FZD3: variants seen among roughly 807,000 people sequenced by gnomAD.
FZD3 encodes the protein frizzled-3.
In FZD3, 30 loss-of-function variants were observed where a neutral mutation model predicts 60.7. The observed-to-expected ratio is 0.49, with a 90% confidence interval of 0.37 to 0.67. The LOEUF is 0.67. Among genes scored for constraint, FZD3 ranks in the 30% least tolerant of loss-of-function variants. The pLI is 0.00. For synonymous variants in FZD3, 246 were observed against 275.2 expected, an observed-to-expected ratio of 0.89 and a Z score of 1.05; for missense variants, 605 against 838.7, an observed-to-expected ratio of 0.72 and a Z score of 3.44.
rs909306675 is a variant in FZD3 at position 28,530,115 on chromosome 8, G to C, written c.1404+1951G>C. ...TGTGTGTGTGTGTGTGTGTGTGTGT[G>C]TGTGTGTGTGTGTGTGTGTGTGTGT... On this transcript the variant is annotated intron_variant, in intron 5 of 7. Coordinates refer to ENST00000240093, the MANE Select transcript of FZD3 (RefSeq NM_017412.4). Among the ~76,000 whole-genome samples the C allele has an allele frequency of 5.2e-3, 724 of 139,870 alleles. 9 individuals are homozygous for C. The highest frequency in any genetic ancestry group is 0.018 in the African/African-American group (690 of 39,228). The allele number at this position is 139,870 out of a possible 152,430, so 91.8% of individuals were successfully genotyped here.
Position 28,527,607 on chromosome 8 carries a change from A to G in FZD3, c.847A>G (p.Asn283Asp). Residue 283 changes from asparagine to aspartate, a missense_variant, in exon 5 of 8, where the codon AAT (asparagine) becomes GAT (aspartate). Coordinates refer to ENST00000240093, the MANE Select transcript of FZD3 (RefSeq NM_017412.4). The surrounding 1 kb of genome is among the most constrained non-coding windows in gnomAD (Gnocchi z 5.0). Reference sequence around the variant, plus strand: ...TTCCACAGTGACACAAGGATCTCATAATAAAGCCTGTACCATGCTTTTTAT... The same window carrying G: ...TTCCACAGTGACACAAGGATCTCATGATAAAGCCTGTACCATGCTTTTTAT... Reference protein sequence around the residue: ...KASTVTQGSHNKACTMLFMIL... With the variant: ...KASTVTQGSHDKACTMLFMIL... The G allele has an allele frequency of 6.2e-7, 1 of 1,613,900 alleles. No homozygotes were observed. The highest frequency in any genetic ancestry group is 2.2e-5 in the East Asian group (1 of 44,884).
intron 5 of FZD3, among the ~76,000 whole-genome samples, chr8:28,542,672 C>T (rs1469746615): frequency 6.6e-6 from 1 of 151,868 alleles, no homozygotes; most frequent in African/African-American, 2.4e-5. Flanking sequence ...AAATAGCTTG[C>T]CCATCCACTA....
chr8:28,564,920 A>C lies in FZD3; in HGVS notation c.*1909A>C, dbSNP rs1805680704. ...AGCTGTCAGATTAAGATCAAGTGAA[A>C]AAAATTATGTGAAAGCTCTTTGAAA... On this transcript the variant is annotated 3_prime_UTR_variant, in exon 8 of 8. Transcript: ENST00000240093. 1 of 152,210 alleles carries C rather than the reference A, an allele frequency of 6.6e-6. No homozygotes were observed. The highest frequency in any genetic ancestry group is 1.5e-5 in the Non-Finnish European group (1 of 68,022). 9.4% of individuals were successfully genotyped at this position (152,210 alleles called of 1,614,324 possible). A position where few individuals can be genotyped will look rare whatever the true frequency, so the allele number is the denominator to read the frequency against.
At chr8:28,514,769 A>G (rs1235760078) in intron 3 of FZD3, among the ~76,000 whole-genome samples, 1 of 152,232 alleles carries the variant, frequency 6.6e-6, no homozygotes, top group Non-Finnish European at 1.5e-5. Flanking sequence ...AGAACAGAGA[A>G]TTTAGCAGGG....
intron 5 of FZD3, among the ~76,000 whole-genome samples, chr8:28,546,883 C>T (rs4732862): frequency 0.54 from 81,207 of 151,358 alleles, 22,335 homozygotes; most frequent in South Asian, 0.63. Flanking sequence ...AGCAGGAGAA[C>T]GGCATGAACC....
intron 5 of FZD3, among the ~76,000 whole-genome samples, chr8:28,542,972 T>A (rs1334600692): frequency 6.6e-6 from 1 of 152,114 alleles, no homozygotes; most frequent in African/African-American, 2.4e-5. Context: ...AAGGGATGAG[T>A]AGGATAGGAT....
intron 5 of FZD3, among the ~76,000 whole-genome samples, chr8:28,529,457 T>G (rs778657434): frequency 6.6e-6 from 1 of 152,174 alleles, no homozygotes; most frequent in Non-Finnish European, 1.5e-5. Context: ...CAAGAAGAAC[T>G]TTTTTGTTTT....
chr8:28,528,575 CAAT>C lies in FZD3; in HGVS notation c.1404+412_1404+414del, dbSNP rs140181016. 5.1e-3 allele frequency among the ~76,000 whole-genome samples: 778 copies of C among 152,202 alleles called. 3 individuals carry two copies. The highest frequency in any genetic ancestry group is 0.021 in the Middle Eastern group (6 of 292). On this transcript the variant is annotated intron_variant, in intron 5 of 7. Coordinates refer to ENST00000240093, the MANE Select transcript of FZD3 (RefSeq NM_017412.4). The stretch of plus-strand genomic sequence containing the variant: ...GTAACAAGATGCAAGTATAAAAACT[CAAT>C]GATCTTGATTTTTCTTCTTTGCATA...
Position 28,547,036 on chromosome 8 carries a change from T to A in FZD3, c.1405-4567T>A, listed in dbSNP as rs77688313. On this transcript the variant is annotated intron_variant, in intron 5 of 7. Coordinates refer to ENST00000240093, the MANE Select transcript of FZD3 (RefSeq NM_017412.4). ...GCTACGAAAGTATATGGGAAAAGTC[T>A]CCCTTCTATCACTGCCTGTGTTTCC... Among the ~76,000 whole-genome samples, 17 of 152,216 alleles carry A rather than the reference T, an allele frequency of 1.1e-4. No homozygotes were observed. In the East Asian group the frequency reaches 2.9e-3, roughly 26 times the overall value.
At chr8:28,551,140 A>C (rs958093291) in intron 5 of FZD3, among the ~76,000 whole-genome samples, 1 of 152,166 alleles carries the variant, frequency 6.6e-6, no homozygotes, top group Non-Finnish European at 1.5e-5. Flanking sequence ...TTTATTGCCA[A>C]ATTTTCAGGA....
chr8:28,544,777 CTG>C (rs1210979849), intron 5 of FZD3, among the ~76,000 whole-genome samples: 1 of 152,148 alleles, frequency 6.6e-6, no homozygotes, highest in Non-Finnish European at 1.5e-5. Flanking sequence ...TGTGTCTAGT[CTG>C]TTTTCTGTTG....
chr8:28,567,310 C>A lies in FZD3; in HGVS notation c.*4299C>A, dbSNP rs1030869785. ...CTGGGACTACAGGTGCGTGCCACCA[C>A]ATCCAGCTAGTTTTTGTATTTTTAG... On this transcript the variant is annotated 3_prime_UTR_variant, in exon 8 of 8. Coordinates refer to ENST00000240093, the MANE Select transcript of FZD3 (RefSeq NM_017412.4). The A allele has an allele frequency of 1.3e-5, 2 of 152,264 alleles. No individual in the cohort carries two copies. The highest frequency in any genetic ancestry group is 4.8e-5 in the African/African-American group (2 of 41,430). 9.4% of individuals were successfully genotyped at this position (152,264 alleles called of 1,614,324 possible).
chr8:28,539,255 G>A (rs556106016), intron 5 of FZD3, among the ~76,000 whole-genome samples: 5 of 152,270 alleles, frequency 3.3e-5, no homozygotes, highest in South Asian at 2.1e-4. Flanking sequence ...TCTCATAGGA[G>A]CGCGAACCCT....
At chr8:28,517,857 ATT>A in intron 3 of FZD3, among the ~76,000 whole-genome samples, 1 of 151,766 alleles carries the variant, frequency 6.6e-6, no homozygotes, top group Non-Finnish European at 1.5e-5. Flanking sequence ...GGATCACCAC[ATT>A]TTTTTATTTT....
chr8:28,530,100 TG>T (rs1804825525), intron 5 of FZD3, among the ~76,000 whole-genome samples: 2 of 25,000 alleles, frequency 8.0e-5, no homozygotes, highest in Admixed American at 8.5e-4. Context: ...TGTGTGTGTG[TG>T]TGTGTGTGTG....
chr8:28,508,594 G>A (rs957748908), intron 3 of FZD3, among the ~76,000 whole-genome samples: 4 of 151,770 alleles, frequency 2.6e-5, no homozygotes, highest in Admixed American at 6.6e-5. Flanking sequence ...CTAATCTCCC[G>A]GGCTCAGTTA....
intron 5 of FZD3, among the ~76,000 whole-genome samples, chr8:28,532,534 C>T (rs187552910): frequency 6.6e-6 from 1 of 151,780 alleles, no homozygotes; most frequent in African/African-American, 2.4e-5. Flanking sequence ...TCGAGTGATC[C>T]TCCTGCCTCA....
At chr8:28,530,583 G>A (rs1278613960) in intron 5 of FZD3, 1 of 152,030 alleles carries the variant, frequency 6.6e-6, no homozygotes, top group South Asian at 2.1e-4. Context: ...TTTACATATA[G>A]ATACGTTTTT....
Position 28,562,820 on chromosome 8 carries a change from G to T in FZD3, c.1810G>T (p.Gly604Ter), listed in dbSNP as rs771894856. The change falls in exon 8 of 8, where the codon GGA becomes TGA. Residue 604 changes from glycine to a stop codon, truncating the protein, a stop_gained. Coordinates refer to ENST00000240093, the MANE Select transcript of FZD3 (RefSeq NM_017412.4). LOFTEE classifies it high-confidence loss of function. ...CAGGTACACGCCCTGCAGTTACAGA[G>T]GAATGGAGGAGAGACTACCTCATGG... is the stretch of plus-strand genomic sequence containing the variant. Reference protein sequence around the residue: ...DGRYTPCSYRGMEERLPHGSM... With the variant: ...DGRYTPCSYR 4.5e-5 allele frequency: 73 copies of T among 1,610,816 alleles called. No individual in the cohort carries two copies. Among genetic ancestry groups the T allele is most frequent in the Non-Finnish European group, 5.2e-5 (61 of 1,177,678 alleles).
Sources: gnomAD v4.1 joint callset for allele counts (sites outside exome capture counted in the v4.1 genomes callset) on GRCh38, gnomAD v4.1.1 for gene constraint, Gnocchi (gnomAD v3.1) non-coding constraint, MANE v1.5 for transcripts, NCBI Gene and HGNC (gene_info 2026-07-23, HGNC 2026-07-21) for gene names.